CNRIP1: variants seen among roughly 807,000 people sequenced by gnomAD.
The protein encoded by CNRIP1 is cannabinoid receptor interacting protein 1, also known as CB1 cannabinoid receptor-interacting protein 1.
CNRIP1 carries 10 observed loss-of-function variants against 15.2 expected under a neutral mutation model. The observed-to-expected ratio is 0.66, with a 90% CI of 0.41 to 1.12. The LOEUF is 1.12. CNRIP1 is among the 50% of genes most tolerant of loss of function. The probability of loss-of-function intolerance (pLI) is 0.00; values close to 1 mark genes in which losing one functional copy is unlikely to be tolerated. For missense variants in CNRIP1, 211 were observed against 214.7 expected (o/e 0.98, Z 0.11); for synonymous variants, 91 against 83.2 (o/e 1.09, Z -0.51).
chr2:68,314,383 A>G (rs1482521061), intron 2 of CNRIP1, among the ~76,000 whole-genome samples: 1 of 152,114 alleles, frequency 6.6e-6, no homozygotes, highest in Non-Finnish European at 1.5e-5. Flanking sequence ...TTATTGTAAA[A>G]AATAAGGTTT....
intron 2 of CNRIP1, among the ~76,000 whole-genome samples, chr2:68,310,063 C>T (rs1023431156): frequency 6.6e-6 from 1 of 152,178 alleles, no homozygotes; most frequent in Non-Finnish European, 1.5e-5. Flanking sequence ...CACGGTGGCT[C>T]ACTCCTGTAA....
At chr2:68,292,484 C>T (rs1671199428), downstream of CNRIP1, among the ~76,000 whole-genome samples, 1 of 152,196 alleles carries the variant, frequency 6.6e-6, no homozygotes, top group Non-Finnish European at 1.5e-5. Context: ...GTAGCAAAAA[C>T]AAACAATCCC....
intron 2 of CNRIP1, among the ~76,000 whole-genome samples, chr2:68,312,714 A>C (rs1465147555): frequency 3.3e-5 from 5 of 152,194 alleles, no homozygotes; most frequent in Non-Finnish European, 5.9e-5. Flanking sequence ...GATCCTCCAA[A>C]AACAGCTATT....
chr2:68,296,435 A>T (rs1027615817), intron 2 of CNRIP1, among the ~76,000 whole-genome samples: 2 of 152,076 alleles, frequency 1.3e-5, no homozygotes, highest in East Asian at 3.9e-4. Context: ...ACACACTGTG[A>T]GACTGAGATA....
chr2:68,317,814 C>T (rs777162173), intron 1 of CNRIP1, among the ~76,000 whole-genome samples: 3 of 152,098 alleles, frequency 2.0e-5, no homozygotes, highest in Non-Finnish European at 4.4e-5. Context: ...CTACCATAGA[C>T]TAAACTAGAA....
At chr2:68,310,245 T>A (rs1373563257) in intron 2 of CNRIP1, among the ~76,000 whole-genome samples, 2 of 152,172 alleles carry the variant, frequency 1.3e-5, no homozygotes, top group African/African-American at 4.8e-5. Flanking sequence ...GGAGAATCGC[T>A]TGAACCTGGG....
chr2:68,284,510 A>T (rs1280033756), intron 2 of CNRIP1: 1 of 1,505,834 alleles, frequency 6.6e-7, no homozygotes, highest in Non-Finnish European at 9.0e-7. Context: ...TACCAGAATA[A>T]GTTTGAGAAA....
At chr2:68,299,237 T>TG (rs1284882568) in intron 2 of CNRIP1, among the ~76,000 whole-genome samples, 1 of 152,074 alleles carries the variant, frequency 6.6e-6, no homozygotes, top group Non-Finnish European at 1.5e-5. Context: ...AGTGGACAGT[T>TG]TTTTTTTCTC....
At chr2:68,295,312 T>A (rs1359578401) in intron 2 of CNRIP1, among the ~76,000 whole-genome samples, 1 of 152,202 alleles carries the variant, frequency 6.6e-6, no homozygotes, top group East Asian at 1.9e-4. Flanking sequence ...CCTGCTAATT[T>A]GATCCCAAAA....
At chr2:68,295,852 T>G (rs1350528602) in intron 2 of CNRIP1, among the ~76,000 whole-genome samples, 1 of 152,240 alleles carries the variant, frequency 6.6e-6, no homozygotes, top group Non-Finnish European at 1.5e-5. Context: ...CAAAACTAAT[T>G]GAACTGTATG....
At chr2:68,317,445 G>A in intron 1 of CNRIP1, 138 bp from the exon 2 acceptor site, 2 of 825,066 alleles carry the variant, frequency 2.4e-6, no homozygotes, top group Non-Finnish European at 1.9e-6. Flanking sequence ...AGTTCTGCAA[G>A]TTCAGGGGGC....
At chr2:68,299,342 G>A (rs11888549) in intron 2 of CNRIP1, among the ~76,000 whole-genome samples, 13,755 of 152,146 alleles carry the variant, frequency 0.09, 1,049 homozygotes, top group African/African-American at 0.21. Context: ...CCCAATTCAT[G>A]TGGTGAAGCC....
chr2:68,300,510 T>C (rs112679706), intron 2 of CNRIP1, among the ~76,000 whole-genome samples: 13,754 of 151,716 alleles, frequency 0.091, 1,057 homozygotes, highest in African/African-American at 0.21. Context: ...CCAGCTACTC[T>C]GGAGGCTGAG....
chr2:68,305,289 T>C (rs1671789939), intron 2 of CNRIP1, among the ~76,000 whole-genome samples: 2 of 137,764 alleles, frequency 1.5e-5, no homozygotes, highest in African/African-American at 5.1e-5. Context: ...TGTGTGTGTG[T>C]GTGTGTGTGT....
chr2:68,294,046 C>T lies in CNRIP1; in HGVS notation c.331-20G>A. 1 of 1,609,510 alleles carries T rather than the reference C, an allele frequency of 6.2e-7. No individual in the cohort carries two copies. The highest frequency in any genetic ancestry group is 1.1e-5 in the South Asian group (1 of 90,848). Reference sequence around the variant, plus strand: ...TGTGAACTGAGGGAAGAGAAACATGCCTGATAAAAAACCTCATTCTGCCAC... The same window carrying T: ...TGTGAACTGAGGGAAGAGAAACATGTCTGATAAAAAACCTCATTCTGCCAC... On this transcript the variant is annotated intron_variant, in intron 2 of 2. Coordinates refer to ENST00000263655, the MANE Select transcript of CNRIP1 (RefSeq NM_015463.3).
rs768937347 is a variant in CNRIP1, at chr2:68,293,877, C to T, written c.480G>A (p.Lys160=). 31 of 1,613,552 alleles carry T rather than the reference C, an allele frequency of 1.9e-5. No homozygotes were observed. The highest frequency in any genetic ancestry group is 6.7e-5 in the Admixed American group (4 of 59,948). Residue 160 remains lysine (K), a synonymous_variant, in exon 3 of 3, where the codon AAG becomes AAA. Transcript: ENST00000263655. ...NETRSLMWVN[K]ESFL is the part of the protein sequence containing the mutation. ...AGAGCCACTTTCAGAGGAAGGACTCCTTGTTCACCCACATCAGACTGCGTG... is the reference window on the plus strand; with the variant it reads ...AGAGCCACTTTCAGAGGAAGGACTCTTTGTTCACCCACATCAGACTGCGTG...
intron 2 of CNRIP1, among the ~76,000 whole-genome samples, chr2:68,308,643 T>C (rs1016287710): frequency 2.6e-5 from 4 of 152,108 alleles, no homozygotes; most frequent in African/African-American, 9.7e-5. Context: ...TTATATAAAA[T>C]GAAAAAACAC....
intron 2 of CNRIP1, among the ~76,000 whole-genome samples, chr2:68,304,671 G>A (rs1017059942): frequency 1.3e-5 from 2 of 150,416 alleles, no homozygotes; most frequent in East Asian, 2.0e-4. Context: ...CACCCAGGCC[G>A]GAGCAGTGGT....
chr2:68,313,302 C>T (rs781364510), intron 2 of CNRIP1, among the ~76,000 whole-genome samples: 112 of 152,050 alleles, frequency 7.4e-4, no homozygotes, highest in Non-Finnish European at 1.2e-3. Flanking sequence ...ACATACTTAC[C>T]ATGTGATTTA....
Sources: gnomAD v4.1 joint callset for allele counts (sites outside exome capture counted in the v4.1 genomes callset) on GRCh38, gnomAD v4.1.1 for gene constraint, MANE v1.5 for transcripts, NCBI Gene and HGNC (gene_info 2026-07-23, HGNC 2026-07-21) for gene names.